The following KCNK2 variants were observed in gnomAD, a reference collection of about 807,000 sequenced individuals.
KCNK2 encodes potassium two pore domain channel subfamily K member 2, also known as potassium channel subfamily K member 2.
A neutral mutation model predicts 40.5 loss-of-function variants in KCNK2; 21 were observed. The observed-to-expected ratio is 0.52, with a 90% CI of 0.37 to 0.75. The LOEUF is 0.75. KCNK2 is among the 30% of genes least tolerant of loss of function. KCNK2 has a pLI of 0.00. For missense variants in KCNK2, 399 were observed against 531.6 expected, an observed-to-expected ratio of 0.75 and a Z score of 2.45; for synonymous variants, 191 against 202.2, an observed-to-expected ratio of 0.94 and a Z score of 0.47.
At chr1:215,233,373 A>C (rs1444943557) in intron 6 of KCNK2, among the ~76,000 whole-genome samples, 1 of 152,006 alleles carries the variant, frequency 6.6e-6, no homozygotes, top group African/African-American at 2.4e-5. Context: ...TTATGTGTGG[A>C]TTAAAAAAAG....
At chr1:215,197,582 G>A (rs755076329) in intron 6 of KCNK2, among the ~76,000 whole-genome samples, 1 of 152,084 alleles carries the variant, frequency 6.6e-6, no homozygotes, top group African/African-American at 2.4e-5. Context: ...CTTTAAAGCC[G>A]TGTCTCCAAA....
chr1:215,167,677 A>C (rs947896825), intron 3 of KCNK2, among the ~76,000 whole-genome samples: 5 of 152,154 alleles, frequency 3.3e-5, no homozygotes, highest in Non-Finnish European at 7.4e-5. Flanking sequence ...AAATACTTTA[A>C]AGTTGCTACT....
At chr1:215,007,195 A>ATGTATATG (rs1558054278) in intron 1 of KCNK2, among the ~76,000 whole-genome samples, 2 of 48,876 alleles carry the variant, frequency 4.1e-5, no homozygotes, top group African/African-American at 1.7e-4. Context: ...GTATATATAT[A>ATGTATATG]TATATATATA....
At chr1:215,222,862 T>C (rs2102702107) in intron 6 of KCNK2, among the ~76,000 whole-genome samples, 1 of 152,218 alleles carries the variant, frequency 6.6e-6, no homozygotes, top group African/African-American at 2.4e-5. Context: ...TGTTAGGAAT[T>C]TTAGTCTAGG....
chr1:215,081,165 ATGTGTGTGTG>A (rs34229936), upstream of KCNK2, among the ~76,000 whole-genome samples: 20 of 149,374 alleles, frequency 1.3e-4, no homozygotes, highest in Admixed American at 6.7e-4. Context: ...GTACACGCAA[ATGTGTGTGTG>A]TGTGTGTGTG....
intron 3 of KCNK2, among the ~76,000 whole-genome samples, chr1:215,151,607 ATATTT>A (rs925026930): frequency 1.3e-5 from 2 of 152,036 alleles, no homozygotes; most frequent in Admixed American, 6.6e-5. Context: ...AAAGTGCATT[ATATTT>A]ATGCATAGAT....
At chr1:215,219,062 CA>C (rs1238296175) in intron 6 of KCNK2, among the ~76,000 whole-genome samples, 1 of 152,106 alleles carries the variant, frequency 6.6e-6, no homozygotes. Flanking sequence ...CTTCGTCATG[CA>C]GTTTATTTTG....
rs1262206850 is a variant in KCNK2, at chr1:215,159,999, A to G, written c.476-9200A>G. On this transcript the variant is annotated intron_variant, in intron 3 of 6. Coordinates refer to ENST00000444842, the MANE Select transcript of KCNK2 (RefSeq NM_001017425.3). The stretch of plus-strand genomic sequence containing the variant: ...ACAAAATAACTGCCCTCCATTCTTC[A>G]AAAACATAAAAATCACAAAAGATGA... Among the ~76,000 whole-genome samples, 3 of 152,194 alleles carry G rather than the reference A, an allele frequency of 2.0e-5. No homozygotes were observed. The East Asian group carries it at 5.8e-4, about 29-fold the overall frequency.
chr1:215,065,040 CAATATAGTGTTTATTT>C (rs1658489644), intron 1 of KCNK2, among the ~76,000 whole-genome samples: 1 of 152,090 alleles, frequency 6.6e-6, no homozygotes, highest in African/African-American at 2.4e-5. Context: ...TTAGGTATTT[CAATATAGTGTTTATTT>C]AAAGTAGTTC....
intron 2 of KCNK2, among the ~76,000 whole-genome samples, chr1:215,087,978 T>A (rs1027636710): frequency 6.6e-6 from 1 of 152,220 alleles, no homozygotes; most frequent in African/African-American, 2.4e-5. Context: ...ATCTGAAAAT[T>A]TGCCTTAAGT....
At chr1:215,006,095 A>G (rs1374470453) in intron 1 of KCNK2, 5 of 700,292 alleles carry the variant, frequency 7.1e-6, no homozygotes, top group Non-Finnish European at 9.7e-6. Context: ...GGGTGGTTCC[A>G]ACAGAGGGTT....
chr1:215,030,191 T>A (rs999295703), intron 1 of KCNK2, among the ~76,000 whole-genome samples: 11 of 152,234 alleles, frequency 7.2e-5, no homozygotes, highest in African/African-American at 2.4e-4. Context: ...TATTTGTCAT[T>A]TGTGTATCTT....
At position 215,007,037 on chromosome 1, in the gene KCNK2, A is replaced by ATATATGTGTGTG. The variant is rs1330420661; in HGVS notation, c.34+1083_34+1084insATATGTGTGTGT. ...TATATATATATATATATATATATATATGTGTGTGTGTGTATATATATATGT... is the reference window on the plus strand; with the variant it reads ...TATATATATATATATATATATATATATATATGTGTGTGTGTGTGTGTGTGTATATATATATGT... On this transcript the variant is annotated intron_variant, in intron 1 of 6. Coordinates refer to the KCNK2 transcript ENST00000391895. 3.0e-3 allele frequency among the ~76,000 whole-genome samples: 153 copies of ATATATGTGTGTG among 51,444 alleles called. 3 individuals are homozygous for ATATATGTGTGTG. The highest frequency in any genetic ancestry group is 8.6e-3 in the African/African-American group (138 of 16,032). 33.7% of individuals were successfully genotyped at this position (51,444 alleles called of 152,430 possible).
At chr1:215,223,556 T>A (rs1028094991) in intron 6 of KCNK2, among the ~76,000 whole-genome samples, 2 of 152,002 alleles carry the variant, frequency 1.3e-5, no homozygotes, top group Non-Finnish European at 2.9e-5. Context: ...GTACATAAAG[T>A]GAGAAGGGAA....
chr1:215,086,546 C>A lies in KCNK2; in HGVS notation c.225C>A (p.Ile75=). 6.2e-7 allele frequency: 1 copy of A among 1,614,140 alleles called. No individual in the cohort carries two copies. The highest frequency in any genetic ancestry group is 8.5e-7 in the Non-Finnish European group (1 of 1,180,004). ...TGGTGGTTGTCCTCTATCTGATCATCGGAGCCACCGTGTTCAAAGCATTGG... is the reference window on the plus strand; with the variant it reads ...TGGTGGTTGTCCTCTATCTGATCATAGGAGCCACCGTGTTCAAAGCATTGG... ...IFLVVVLYLI[I]GATVFKALEQ... is the part of the protein sequence containing the mutation. The change falls in exon 2 of 7, where the codon ATC becomes ATA. Residue 75 remains isoleucine, a synonymous_variant. Transcript: ENST00000444842.
At position 215,086,392 on chromosome 1, in the gene KCNK2, C is replaced by T. The variant is rs1199074522; in HGVS notation, c.71C>T (p.Pro24Leu). 1 of 1,614,068 alleles carries T rather than the reference C, an allele frequency of 6.2e-7. No homozygotes were observed. Among genetic ancestry groups the T allele is most frequent in the Non-Finnish European group, 8.5e-7 (1 of 1,179,988 alleles). ...GTGGCGGCACCTGACTTGCTGGATC[C>T]TAAATCTGCCGCTCAGAACTCCAAA... ...AGVAAPDLLDPKSAAQNSKPR... is the reference protein window; with the variant it reads ...AGVAAPDLLDLKSAAQNSKPR... Residue 24 changes from proline to leucine, a missense_variant, in exon 2 of 7, where the codon CCT becomes CTT. Around this residue, in one of 3 missense-constraint regions of KCNK2, gnomAD observed 279 missense variants for 353.8 expected, o/e 0.79. Transcript: ENST00000444842.
chr1:215,233,195 G>C (rs1666741870), intron 6 of KCNK2, among the ~76,000 whole-genome samples: 1 of 152,040 alleles, frequency 6.6e-6, no homozygotes, highest in Admixed American at 6.6e-5. Context: ...AGGAAAGCTT[G>C]ATTTTGCTGA....
intron 2 of KCNK2, among the ~76,000 whole-genome samples, chr1:215,089,142 T>C (rs1659586125): frequency 1.3e-5 from 2 of 152,218 alleles, no homozygotes; most frequent in African/African-American, 2.4e-5. Flanking sequence ...CAATCTTTTT[T>C]TTCACATTTA....
At chr1:215,048,876 A>G (rs1238604140) in intron 1 of KCNK2, among the ~76,000 whole-genome samples, 1 of 152,174 alleles carries the variant, frequency 6.6e-6, no homozygotes, top group African/African-American at 2.4e-5. Context: ...ATCCCGTGGC[A>G]TGATGTACCA....
Sources: allele counts gnomAD v4.1 joint callset (sites outside exome capture counted in the v4.1 genomes callset), GRCh38; gene constraint gnomAD v4.1.1; regional missense constraint gnomAD v4.1.1; transcripts MANE v1.5; gene names NCBI Gene and HGNC (gene_info 2026-07-23, HGNC 2026-07-21).